Variants in OTOGL observed in about 807,000 individuals in gnomAD.
OTOGL encodes the protein otogelin-like protein.
In OTOGL, 285 loss-of-function variants were observed where a neutral mutation model predicts 318.5. The ratio of observed to expected loss-of-function variants is 0.89; its 90% confidence interval spans 0.81 to 0.99. The LOEUF (loss-of-function observed/expected upper bound fraction) is 0.99, where lower values mean the gene tolerates loss of function less well. Ranked by LOEUF, OTOGL falls within the 50% of genes least tolerant of loss-of-function variation. The pLI is 0.00. For missense variants in OTOGL, 2,899 were observed against 2,845.6 expected (o/e 1.02, Z -0.43); for synonymous variants, 987 against 936.5 (o/e 1.05, Z -0.99).
chr12:80,142,300 T>C (rs1430454156), intron 1 of OTOGL, among the ~76,000 whole-genome samples: 1 of 152,154 alleles, frequency 6.6e-6, no homozygotes, highest in East Asian at 1.9e-4. Flanking sequence ...AAGCACTCAG[T>C]GGCCACGTGT....
chr12:80,273,982 G>A (rs2137599392), intron 24 of OTOGL, among the ~76,000 whole-genome samples: 1 of 152,144 alleles, frequency 6.6e-6, no homozygotes, highest in Middle Eastern at 3.4e-3. Context: ...TGTTGTGTGT[G>A]TTCCGATTTC....
At chr12:80,197,721 G>A (rs921767532) in intron 1 of OTOGL, among the ~76,000 whole-genome samples, 7 of 152,198 alleles carry the variant, frequency 4.6e-5, no homozygotes, top group Non-Finnish European at 1.0e-4. Flanking sequence ...GTATGGATAA[G>A]CAAAGAGATG....
chr12:80,140,385 G>GTCTGCTTTGTTAACTATTTGTGT (rs1871857325), intron 1 of OTOGL, among the ~76,000 whole-genome samples: 1 of 152,302 alleles, frequency 6.6e-6, no homozygotes, highest in East Asian at 1.9e-4. Flanking sequence ...TGCTTTTGAT[G>GTCTGCTTTGTTAACTATTTGTGT]TCTGCTTTGT....
At chr12:80,176,899 A>G (rs148897909) in intron 1 of OTOGL, among the ~76,000 whole-genome samples, 4 of 152,238 alleles carry the variant, frequency 2.6e-5, no homozygotes, top group African/African-American at 9.6e-5. Flanking sequence ...CATCATTGCC[A>G]ACAATTCGTA....
chr12:80,174,876 C>T (rs980015510), intron 1 of OTOGL, among the ~76,000 whole-genome samples: 6 of 151,904 alleles, frequency 3.9e-5, no homozygotes, highest in Non-Finnish European at 7.4e-5. Context: ...TCATTACCAT[C>T]GAGGTGCTGA....
At position 80,257,940 on chromosome 12, in the gene OTOGL, A is replaced by G; in HGVS notation, c.1827A>G (p.Ala609=). Residue 609 remains alanine, a synonymous_variant, in exon 18 of 59, where the codon GCA becomes GCG. Transcript: ENST00000547103. ...GERIYIQLTS[A]WKRRTLGLCG... The stretch of plus-strand genomic sequence containing the variant: ...GAATTTATATTCAGCTTACTAGCGC[A>G]TGGAAAAGAAGAACATTAGGTCTGT... 1.9e-6 allele frequency: 3 copies of G among 1,598,184 alleles called. No homozygotes were observed. Among genetic ancestry groups the G allele is most frequent in the South Asian group, 1.1e-5 (1 of 90,926 alleles).
intron 7 of OTOGL, among the ~76,000 whole-genome samples, chr12:80,227,095 C>CTAATA (rs1399815920): frequency 6.6e-6 from 1 of 151,986 alleles, no homozygotes; most frequent in African/African-American, 2.4e-5. Flanking sequence ...TATATTGGAG[C>CTAATA]TCTGGGGTGG....
chr12:80,339,405 A>G, intron 43 of OTOGL, 141 bp downstream of exon 43: 1 of 681,842 alleles, frequency 1.5e-6, no homozygotes, highest in Non-Finnish European at 2.4e-6. Context: ...TTCCCATGTA[A>G]ATACGGAAGG....
At chr12:80,147,505 G>A (rs1872471878) in intron 1 of OTOGL, among the ~76,000 whole-genome samples, 1 of 151,358 alleles carries the variant, frequency 6.6e-6, no homozygotes, top group Non-Finnish European at 1.5e-5. Flanking sequence ...TAGGTGTGGT[G>A]TGGTGCTGAA....
At chr12:80,216,621 G>A (rs1265304877) in intron 4 of OTOGL, among the ~76,000 whole-genome samples, 6 of 152,066 alleles carry the variant, frequency 3.9e-5, no homozygotes, top group Non-Finnish European at 8.8e-5. Context: ...TAAGCTTCAC[G>A]TACATGGCTT....
chr12:80,178,462 C>T (rs988831688), intron 1 of OTOGL, among the ~76,000 whole-genome samples: 4 of 152,096 alleles, frequency 2.6e-5, no homozygotes, highest in South Asian at 2.1e-4. Flanking sequence ...ACTCAAGAGG[C>T]ACCTTTTGCA....
intron 1 of OTOGL, among the ~76,000 whole-genome samples, chr12:80,117,586 C>T (rs1405832894): frequency 6.6e-6 from 1 of 152,158 alleles, no homozygotes; most frequent in Non-Finnish European, 1.5e-5. Context: ...CTTTCTCTTG[C>T]CAGAATAATC....
intron 1 of OTOGL, among the ~76,000 whole-genome samples, chr12:80,153,206 CCAG>C (rs1398264663): frequency 6.6e-6 from 1 of 152,080 alleles, no homozygotes; most frequent in Non-Finnish European, 1.5e-5. Context: ...GAGTAACACA[CCAG>C]CAGATTTGGT....
At chr12:80,339,294 G>GTTTT in intron 43 of OTOGL, 30 bp downstream of exon 43, 1 of 578,544 alleles carries the variant, frequency 1.7e-6, no homozygotes, top group Non-Finnish European at 2.5e-6. Flanking sequence ...TCTTGATTTC[G>GTTTT]TCTGTTTTTT....
intron 53 of OTOGL, among the ~76,000 whole-genome samples, chr12:80,367,153 T>G (rs1890592219): frequency 6.6e-6 from 1 of 151,336 alleles, no homozygotes; most frequent in Admixed American, 6.6e-5. Flanking sequence ...TTTTTTTTTT[T>G]TTTTGGAAAT....
At chr12:80,187,007 A>G (rs1294347574) in intron 1 of OTOGL, among the ~76,000 whole-genome samples, 1 of 152,190 alleles carries the variant, frequency 6.6e-6, no homozygotes, top group East Asian at 1.9e-4. Flanking sequence ...TTATGGAGAT[A>G]GAAAGAAGAT....
At chr12:80,308,134 C>T (rs1341846091) in intron 29 of OTOGL, among the ~76,000 whole-genome samples, 8 of 148,944 alleles carry the variant, frequency 5.4e-5, no homozygotes, top group South Asian at 4.2e-4. Context: ...GGCGGCTGGC[C>T]GGGCGGGGGG....
In OTOGL at chr12:80,232,940, T is replaced by C; in HGVS notation, c.660T>C (p.Ala220=). 1 of 1,599,356 alleles carries C rather than the reference T, an allele frequency of 6.3e-7. No homozygotes were observed. The part of the protein sequence containing the change: ...TIGQIFIEKL[A]DYILVKTTFG... The stretch of plus-strand genomic sequence containing the variant: ...GACAGATTTTCATTGAGAAACTAGC[T>C]GACTACATTCTTGTGAAAACAACCT... The change falls in exon 9 of 59, where the codon GCT becomes GCC. Residue 220 remains alanine, a synonymous_variant. Coordinates refer to ENST00000547103, the MANE Select transcript of OTOGL (RefSeq NM_001378609.3).
chr12:80,261,420 A>G (rs1382253879), intron 18 of OTOGL, among the ~76,000 whole-genome samples: 3 of 152,160 alleles, frequency 2.0e-5, no homozygotes, highest in African/African-American at 7.2e-5. Context: ...TGGTTTGCCC[A>G]CTTCATAATG....
Sources: allele counts gnomAD v4.1 joint callset (sites outside exome capture counted in the v4.1 genomes callset), GRCh38; gene constraint gnomAD v4.1.1; transcripts MANE v1.5; gene names NCBI Gene and HGNC (gene_info 2026-07-23, HGNC 2026-07-21).